PSPC1: variants seen among roughly 807,000 people sequenced by gnomAD.
The protein encoded by PSPC1 is paraspeckle component 1.
Under a neutral mutation model 51.6 loss-of-function variants are expected in PSPC1, and 14 were observed. The observed-to-expected ratio is 0.27, with a 90% CI of 0.18 to 0.42. The LOEUF is 0.42. Ranked by LOEUF, PSPC1 falls within the 10% of genes least tolerant of loss-of-function variation. The pLI, the probability that PSPC1 is intolerant of heterozygous loss-of-function variation, is 1.00. For missense variants in PSPC1, 406 were observed against 701.1 expected (o/e 0.58, Z 4.75); for synonymous variants, 193 against 231.9 (o/e 0.83, Z 1.53).
chr13:19,749,265 T>C (rs1164079572), intron 4 of PSPC1, among the ~76,000 whole-genome samples: 1 of 152,056 alleles, frequency 6.6e-6, no homozygotes, highest in Non-Finnish European at 1.5e-5. Flanking sequence ...GGAGGATTAC[T>C]TGAACCCCCG....
chr13:19,699,839 CT>C (rs967553961), downstream of PSPC1, among the ~76,000 whole-genome samples: 8 of 151,950 alleles, frequency 5.3e-5, no homozygotes, highest in African/African-American at 1.7e-4. Flanking sequence ...AGAAGTCTGA[CT>C]TTTTATATCA....
chr13:19,764,907 TA>T (rs1566043858), intron 2 of PSPC1, among the ~76,000 whole-genome samples: 2 of 151,652 alleles, frequency 1.3e-5, no homozygotes, highest in East Asian at 1.9e-4. Flanking sequence ...CTAATTTTTT[TA>T]TTTTTCTTTT....
intron 1 of PSPC1, among the ~76,000 whole-genome samples, chr13:19,775,742 TA>T (rs1400558660): frequency 6.6e-6 from 1 of 152,156 alleles, no homozygotes; most frequent in Non-Finnish European, 1.5e-5. Context: ...AGGTAGACTT[TA>T]GAAACAGTTT....
intron 1 of PSPC1, among the ~76,000 whole-genome samples, chr13:19,772,765 A>C (rs927090534): frequency 3.9e-5 from 6 of 152,226 alleles, no homozygotes; most frequent in African/African-American, 1.4e-4. Flanking sequence ...GTTAAAAGTA[A>C]TCATTTAAAG....
At chr13:19,721,894 C>T (rs1182913014) in intron 6 of PSPC1, among the ~76,000 whole-genome samples, 3 of 152,146 alleles carry the variant, frequency 2.0e-5, no homozygotes, top group Non-Finnish European at 4.4e-5. Context: ...AAAAATGTAT[C>T]AGCAGTTGTA....
intron 6 of PSPC1, among the ~76,000 whole-genome samples, chr13:19,693,303 G>A (rs547399502): frequency 1.3e-5 from 2 of 152,240 alleles, no homozygotes; most frequent in South Asian, 4.1e-4. Context: ...TTTGCGTCTG[G>A]GTTTTCAAAG....
At chr13:19,721,032 C>A (rs1593616112) in intron 6 of PSPC1, among the ~76,000 whole-genome samples, 1 of 151,668 alleles carries the variant, frequency 6.6e-6, no homozygotes, top group Non-Finnish European at 1.5e-5. Flanking sequence ...TAATACTGAA[C>A]ATAGACATTA....
intron 1 of PSPC1, among the ~76,000 whole-genome samples, chr13:19,774,110 T>C (rs140447062): frequency 0.016 from 2,494 of 152,292 alleles, 38 homozygotes; most frequent in Non-Finnish European, 0.025. Flanking sequence ...CTAAAAAATA[T>C]GCTCATTGCT....
chr13:19,757,795 ATAAG>A (rs371383001), intron 3 of PSPC1, among the ~76,000 whole-genome samples: 54 of 152,298 alleles, frequency 3.5e-4, no homozygotes, highest in South Asian at 2.9e-3. Context: ...AAAAAAATAA[ATAAG>A]TAAGTGACTG....
At chr13:19,703,485 G>A in intron 8 of PSPC1, 125 bp from the exon 9 acceptor site, 1 of 1,014,918 alleles carries the variant, frequency 9.9e-7, no homozygotes, top group Admixed American at 2.6e-5. Context: ...AAGTCCAGCA[G>A]AATCAGGATC....
intron 6 of PSPC1, among the ~76,000 whole-genome samples, chr13:19,720,805 C>T (rs765832183): frequency 1.3e-5 from 2 of 151,970 alleles, no homozygotes; most frequent in Non-Finnish European, 1.5e-5. Context: ...GTATAAGATA[C>T]CATTAAGAAA....
chr13:19,743,043 G>A (rs895203236), intron 4 of PSPC1, among the ~76,000 whole-genome samples: 1 of 152,130 alleles, frequency 6.6e-6, no homozygotes, highest in African/African-American at 2.4e-5. Flanking sequence ...TATCAAGAAT[G>A]GGGGGGTTCC....
intron 3 of PSPC1, among the ~76,000 whole-genome samples, chr13:19,754,558 GCCTCCC>G (rs1341472284): frequency 6.7e-6 from 1 of 149,328 alleles, no homozygotes; most frequent in East Asian, 2.0e-4. Context: ...TCCTGCCTCA[GCCTCCC>G]GAATAGCTGG....
At chr13:19,681,710 A>T (rs572366332) in intron 6 of PSPC1, among the ~76,000 whole-genome samples, 3 of 152,312 alleles carry the variant, frequency 2.0e-5, no homozygotes, top group East Asian at 3.9e-4. Context: ...TTGGTGGGGT[A>T]GGGATTTCCA....
At chr13:19,764,055 T>C (rs995832240) in intron 2 of PSPC1, among the ~76,000 whole-genome samples, 2 of 152,256 alleles carry the variant, frequency 1.3e-5, no homozygotes, top group African/African-American at 4.8e-5. Flanking sequence ...AGAAAAAGTA[T>C]TTCAGTGTTC....
intron 6 of PSPC1, among the ~76,000 whole-genome samples, chr13:19,713,988 G>A (rs943466999): frequency 6.6e-6 from 1 of 152,152 alleles, no homozygotes. Context: ...CAAGCCAAGA[G>A]ACTTGGGCCC....
chr13:19,690,797 T>C (rs1040733244), intron 6 of PSPC1, among the ~76,000 whole-genome samples: 2 of 152,224 alleles, frequency 1.3e-5, no homozygotes, highest in Admixed American at 6.5e-5. Context: ...CCATTCCAAC[T>C]TTCTTCTCTT....
intron 6 of PSPC1, among the ~76,000 whole-genome samples, chr13:19,724,254 A>G (rs1883101539): frequency 6.6e-6 from 1 of 152,238 alleles, no homozygotes; most frequent in Non-Finnish European, 1.5e-5. Context: ...CAGAAAATAA[A>G]TTTGTATCTA....
chr13:19,762,386 T>A (rs1342349063), intron 2 of PSPC1, among the ~76,000 whole-genome samples: 1 of 151,392 alleles, frequency 6.6e-6, no homozygotes, highest in Admixed American at 6.6e-5. Flanking sequence ...TGAAATGCCA[T>A]CTCTACTAAA....
Sources: gnomAD v4.1 joint callset for allele counts (sites outside exome capture counted in the v4.1 genomes callset) on GRCh38, gnomAD v4.1.1 for gene constraint, MANE v1.5 for transcripts, NCBI Gene and HGNC (gene_info 2026-07-23, HGNC 2026-07-21) for gene names.